KLF12: variants seen among roughly 807,000 people sequenced by gnomAD.
The protein encoded by KLF12 is KLF transcription factor 12, also known as Krueppel-like factor 12.
KLF12 carries 9 observed loss-of-function variants against 37.8 expected under a neutral mutation model. The ratio of observed to expected loss-of-function variants is 0.24; its 90% CI spans 0.14 to 0.42. KLF12 has a LOEUF of 0.42. Among genes scored for constraint, KLF12 ranks in the 10% least tolerant of loss-of-function variants. The pLI, the probability that KLF12 is intolerant of heterozygous loss-of-function variation, is 1.00. For synonymous variants in KLF12, 208 were observed against 202.1 expected, an observed-to-expected ratio of 1.03 and a Z score of -0.25; for missense variants, 411 against 516.0, an observed-to-expected ratio of 0.80 and a Z score of 1.97.
At chr13:73,818,443 T>G (rs1384824167) in intron 4 of KLF12, among the ~76,000 whole-genome samples, 1 of 152,230 alleles carries the variant, frequency 6.6e-6, no homozygotes, top group Non-Finnish European at 1.5e-5. Context: ...CATTTAAACT[T>G]TGCTTGTTTC....
At chr13:74,038,910 G>T (rs940458259) in intron 1 of KLF12, among the ~76,000 whole-genome samples, 8 of 145,672 alleles carry the variant, frequency 5.5e-5, no homozygotes, top group Non-Finnish European at 9.1e-5. Flanking sequence ...CATCCCAGGG[G>T]AAAAAAAAAT....
chr13:74,034,732 T>C (rs1426941176), intron 1 of KLF12, among the ~76,000 whole-genome samples: 1 of 152,234 alleles, frequency 6.6e-6, no homozygotes, highest in Non-Finnish European at 1.5e-5. Context: ...TCTGAAATCT[T>C]AGAGCATTAT....
In KLF12 at chr13:73,781,385, C is replaced by T. The variant is rs186886156; in HGVS notation, c.807-16385G>A. 1.5e-3 allele frequency among the ~76,000 whole-genome samples: 226 copies of T among 152,248 alleles called. 1 individual carries two copies. Among genetic ancestry groups the T allele is most frequent in the Middle Eastern group, 3.4e-3 (1 of 294 alleles). ...GAACCCACAATATCTCTGAGGTACA[C>T]CACTATTTATTTTTTTGTAACTTTT... is the stretch of plus-strand genomic sequence containing the variant. On this transcript the variant is annotated intron_variant, in intron 5 of 7. Transcript: ENST00000377669.
At chr13:73,777,609 G>A (rs939449695) in intron 5 of KLF12, among the ~76,000 whole-genome samples, 2 of 152,068 alleles carry the variant, frequency 1.3e-5, no homozygotes, top group South Asian at 4.1e-4. Flanking sequence ...ACAGGAGGAT[G>A]AGGCAGGAGA....
intron 7 of KLF12, among the ~76,000 whole-genome samples, chr13:73,696,580 C>T (rs1157339526): frequency 1.3e-5 from 2 of 152,198 alleles, no homozygotes; most frequent in Admixed American, 6.5e-5. Context: ...AAACTGATCT[C>T]TCTTCTGCCC....
intron 1 of KLF12, among the ~76,000 whole-genome samples, chr13:74,098,219 A>C (rs1876093395): frequency 6.6e-6 from 1 of 152,214 alleles, no homozygotes; most frequent in Non-Finnish European, 1.5e-5. Flanking sequence ...ACTGCTTAGA[A>C]TCTTGAATTA....
intron 3 of KLF12, among the ~76,000 whole-genome samples, chr13:73,899,219 C>A (rs1429420490): frequency 6.6e-6 from 1 of 152,162 alleles, no homozygotes; most frequent in Non-Finnish European, 1.5e-5. Context: ...TAAAAGCAAG[C>A]ATGATCTATA....
chr13:73,846,779 G>C (rs9530251), intron 3 of KLF12, among the ~76,000 whole-genome samples: 1 of 151,860 alleles, frequency 6.6e-6, no homozygotes, highest in African/African-American at 2.4e-5. Context: ...CATACTTGTT[G>C]CAAGAGTTAC....
the KLF12 span, among the ~76,000 whole-genome samples, chr13:74,304,704 C>T: frequency 6.6e-6 from 1 of 151,792 alleles, no homozygotes; most frequent in Non-Finnish European, 1.5e-5. Context: ...CGGCCCAGTT[C>T]ATTGGAGGGT....
chr13:73,866,391 T>C (rs1275466913), intron 3 of KLF12, among the ~76,000 whole-genome samples: 1 of 152,064 alleles, frequency 6.6e-6, no homozygotes, highest in Admixed American at 6.5e-5. Flanking sequence ...TGGCCAGATA[T>C]TTTCTGAAAG....
intron 3 of KLF12, among the ~76,000 whole-genome samples, chr13:73,904,467 TC>T (rs748662871): frequency 0.19 from 19,636 of 105,544 alleles, 2,204 homozygotes; most frequent in Non-Finnish European, 0.28. Flanking sequence ...TTTCTTTCTT[TC>T]CTTTTTTTTT....
intron 3 of KLF12, among the ~76,000 whole-genome samples, chr13:73,881,115 G>C (rs948263946): frequency 2.0e-5 from 3 of 151,922 alleles, no homozygotes; most frequent in African/African-American, 7.3e-5. Flanking sequence ...AAGAAATTAA[G>C]CTTGTTTTGG....
chr13:74,218,508 C>A, the KLF12 span, among the ~76,000 whole-genome samples: 1 of 152,166 alleles, frequency 6.6e-6, no homozygotes, highest in Non-Finnish European at 1.5e-5. Context: ...CAGCACCTCC[C>A]AGGTTCACAT....
intron 1 of KLF12, among the ~76,000 whole-genome samples, chr13:74,050,436 G>A (rs1441266609): frequency 6.6e-6 from 1 of 152,172 alleles, no homozygotes; most frequent in South Asian, 2.1e-4. Context: ...ATCTTGATAT[G>A]AGGAGACAAA....
the KLF12 span, among the ~76,000 whole-genome samples, chr13:74,183,765 G>A: frequency 1.5e-4 from 23 of 152,088 alleles, no homozygotes; most frequent in Non-Finnish European, 2.4e-4. Flanking sequence ...GGGAAACCCC[G>A]TCTCTACAAA....
chr13:74,081,597 G>A (rs997919540), intron 1 of KLF12, among the ~76,000 whole-genome samples: 1 of 152,130 alleles, frequency 6.6e-6, no homozygotes, highest in Non-Finnish European at 1.5e-5. Context: ...TCTGCCATGA[G>A]CAACGCATCA....
At position 73,887,405 on chromosome 13, in the gene KLF12, G is replaced by C. The variant is rs560111867; in HGVS notation, c.124-41032C>G. On this transcript the variant is annotated intron_variant, in intron 3 of 7. Coordinates refer to ENST00000377669, the MANE Select transcript of KLF12 (RefSeq NM_007249.5). The stretch of plus-strand genomic sequence containing the variant: ...ATGGATGGCTTACTACCATGGTAAC[G>C]AGTGTGTTCTTGCCATGAGTTCACA... 4.6e-5 allele frequency among the ~76,000 whole-genome samples: 7 copies of C among 152,222 alleles called. No homozygotes were observed. In the East Asian group the frequency reaches 7.7e-4, roughly 17 times the overall value.
intron 1 of KLF12, among the ~76,000 whole-genome samples, chr13:74,092,461 TA>T (rs35771392): frequency 4.4e-4 from 62 of 142,134 alleles, no homozygotes; most frequent in Admixed American, 5.6e-4. Flanking sequence ...CCGTCTCTAC[TA>T]AAAAAAAAAA....
At chr13:73,928,445 C>G (rs986153543) in intron 3 of KLF12, among the ~76,000 whole-genome samples, 2 of 152,122 alleles carry the variant, frequency 1.3e-5, no homozygotes, top group Non-Finnish European at 1.5e-5. Context: ...CAAGTAAGTG[C>G]TCTCAATTAT....
Sources: allele counts gnomAD v4.1 joint callset (sites outside exome capture counted in the v4.1 genomes callset), GRCh38; gene constraint gnomAD v4.1.1; transcripts MANE v1.5; gene names NCBI Gene and HGNC (gene_info 2026-07-23, HGNC 2026-07-21).